CFTR: variants seen among roughly 807,000 people sequenced by gnomAD.
The protein encoded by CFTR is cystic fibrosis transmembrane conductance regulator.
Under a neutral mutation model 171.6 loss-of-function variants are expected in CFTR, and 181 were observed. The observed-to-expected ratio is 1.05, with a 90% CI of 0.93 to 1.19. The LOEUF is 1.19. CFTR is among the 50% of genes most tolerant of loss of function. The pLI, the probability that CFTR is intolerant of heterozygous loss-of-function variation, is 0.00. For missense variants in CFTR, 1,968 were observed against 1,734.7 expected (o/e 1.13, Z -2.39); for synonymous variants, 583 against 608.0 (o/e 0.96, Z 0.60).
chr7:117,481,066 G>C lies in CFTR; in HGVS notation c.53+919G>C, dbSNP rs546265450. On this transcript the variant is annotated intron_variant, in intron 1 of 26. Transcript: ENST00000003084. ...ATAAGCATACTGAGGTATCAAAAAA[G>C]TCAAATATGTTATAAATAGCTCATA... Among the ~76,000 whole-genome samples, 11 of 152,286 alleles carry C rather than the reference G, an allele frequency of 7.2e-5. No individual in the cohort carries two copies. In the South Asian group the frequency reaches 1.2e-3, roughly 17 times the overall value.
intron 16 of CFTR, 44 bp downstream of exon 16, chr7:117,602,907 G>A (rs765548878): frequency 1.3e-6 from 2 of 1,496,020 alleles, no homozygotes; most frequent in Non-Finnish European, 1.9e-6. Context: ...TTTTATTTCT[G>A]TTGATTAAAT....
intron 24 of CFTR, among the ~76,000 whole-genome samples, chr7:117,661,721 T>C (rs1793289405): frequency 6.6e-6 from 1 of 152,204 alleles, no homozygotes; most frequent in Non-Finnish European, 1.5e-5. Flanking sequence ...ATACTAATAA[T>C]TACTGTACAT....
At position 117,586,804 on chromosome 7, in the gene CFTR, C is replaced by CCTATCTAACTCTTCG. The variant is rs1311292076; in HGVS notation, c.1585-933_1585-919dup. ...TTTTTTTTAAGGCGAGAGTTTACTA[C>CCTATCTAACTCTTCG]CTATCTAACTCTTCGCATTCTTGAA... On this transcript the variant is annotated intron_variant, in intron 11 of 26. Transcript: ENST00000003084. 7.2e-5 allele frequency among the ~76,000 whole-genome samples: 11 copies of CCTATCTAACTCTTCG among 151,762 alleles called. No individual in the cohort carries two copies. The East Asian group carries it at 1.9e-3, about 27-fold the overall frequency.
At chr7:117,600,092 T>A (rs1191522903) in intron 15 of CFTR, among the ~76,000 whole-genome samples, 1 of 152,032 alleles carries the variant, frequency 6.6e-6, no homozygotes, top group East Asian at 1.9e-4. Context: ...CAATATGAAA[T>A]ATGTAGTCTT....
At chr7:117,662,006 A>C (rs910520046) in intron 24 of CFTR, among the ~76,000 whole-genome samples, 15 of 127,996 alleles carry the variant, frequency 1.2e-4, no homozygotes, top group Admixed American at 3.8e-4. Flanking sequence ...AAAAAAAAAA[A>C]CCCTCAAATA....
At chr7:117,522,844 A>C (rs761123057) in intron 3 of CFTR, among the ~76,000 whole-genome samples, 2 of 152,186 alleles carry the variant, frequency 1.3e-5, no homozygotes, top group African/African-American at 2.4e-5. Flanking sequence ...AATAAAAAAA[A>C]AATCAGGTGA....
At chr7:117,639,502 T>C (rs1364939314) in intron 22 of CFTR, among the ~76,000 whole-genome samples, 2 of 152,184 alleles carry the variant, frequency 1.3e-5, no homozygotes, top group Non-Finnish European at 2.9e-5. Context: ...ATTCCTCATA[T>C]GGTATATTGT....
chr7:117,521,552 G>T (rs1425741139), intron 3 of CFTR, among the ~76,000 whole-genome samples: 1 of 152,016 alleles, frequency 6.6e-6, no homozygotes, highest in Admixed American at 6.6e-5. Context: ...ATAATCATAG[G>T]TTCTTCTGTA....
intron 10 of CFTR, among the ~76,000 whole-genome samples, chr7:117,549,818 A>T (rs1799238219): frequency 6.6e-6 from 1 of 152,086 alleles, no homozygotes; most frequent in South Asian, 2.1e-4. Flanking sequence ...GAAAGAAGGA[A>T]ATGAGGAAGA....
intron 5 of CFTR, 65 bp from the exon 6 acceptor site, chr7:117,535,183 G>A (rs1472911073): frequency 6.5e-7 from 1 of 1,541,110 alleles, no homozygotes; most frequent in East Asian, 2.2e-5. Flanking sequence ...TTTCATATAT[G>A]ATTGTTAGTT....
chr7:117,556,951 T>A (rs548159561), intron 10 of CFTR, among the ~76,000 whole-genome samples: 14 of 152,292 alleles, frequency 9.2e-5, no homozygotes, highest in Non-Finnish European at 2.1e-4. Context: ...ACTGTTCTGT[T>A]GTATTGTAAC....
At chr7:117,602,707 T>C (rs1288720187) in intron 15 of CFTR, 119 bp from the exon 16 acceptor site, 1 of 864,264 alleles carries the variant, frequency 1.2e-6, no homozygotes, top group Non-Finnish European at 2.0e-6. Flanking sequence ...AAGATGAAAT[T>C]GTGTGTACCT....
chr7:117,573,061 T>TCTCTCTCTTG (rs1562902538), intron 11 of CFTR, among the ~76,000 whole-genome samples: 1 of 151,822 alleles, frequency 6.6e-6, no homozygotes, highest in African/African-American at 2.4e-5. Flanking sequence ...TCTCTCTTGC[T>TCTCTCTCTTG]CTCTCTCTCT....
At chr7:117,480,253 A>G (rs1434488015) in intron 1 of CFTR, 106 bp downstream of exon 1, 6 of 948,424 alleles carry the variant, frequency 6.3e-6, no homozygotes, top group Non-Finnish European at 6.9e-6. Flanking sequence ...TTTTAAAAAG[A>G]TGCGCTATCA....
chr7:117,563,683 A>G (rs1033462442), intron 11 of CFTR, among the ~76,000 whole-genome samples: 1 of 152,206 alleles, frequency 6.6e-6, no homozygotes, highest in Admixed American at 6.5e-5. Flanking sequence ...TTTTGCTAAC[A>G]AAGTACTAGT....
Position 117,535,208 on chromosome 7 carries a change from A to G in CFTR, c.580-40A>G, listed in dbSNP as rs747997054. The G allele has an allele frequency of 2.7e-5, 44 of 1,608,860 alleles. No homozygotes were observed. The Admixed American group carries it at 7.3e-4, about 27-fold the overall frequency. ...GATTGTTAGTTTCTAGGGGTGGAAG[A>G]TACAATGACACCTGTTTTTGCTGTG... On this transcript the variant is annotated intron_variant, in intron 5 of 26. Coordinates refer to ENST00000003084, the MANE Select transcript of CFTR (RefSeq NM_000492.4).
chr7:117,537,039 G>A (rs1562891177), intron 7 of CFTR, among the ~76,000 whole-genome samples: 1 of 152,106 alleles, frequency 6.6e-6, no homozygotes, highest in South Asian at 2.1e-4. Flanking sequence ...GAACCAAATA[G>A]ATGATTCTCT....
chr7:117,570,390 G>T (rs1226620381), intron 11 of CFTR, among the ~76,000 whole-genome samples: 1 of 152,144 alleles, frequency 6.6e-6, no homozygotes, highest in Non-Finnish European at 1.5e-5. Flanking sequence ...AAAGGGCCTG[G>T]AAGGAAAGGA....
chr7:117,518,253 A>T (rs887863742), intron 3 of CFTR, among the ~76,000 whole-genome samples: 1 of 148,912 alleles, frequency 6.7e-6, no homozygotes, highest in Non-Finnish European at 1.5e-5. Flanking sequence ...AAACCTATAT[A>T]TATATGTCAC....
Sources: allele counts gnomAD v4.1 joint callset (sites outside exome capture counted in the v4.1 genomes callset), GRCh38; gene constraint gnomAD v4.1.1; transcripts MANE v1.5; gene names NCBI Gene and HGNC (gene_info 2026-07-23, HGNC 2026-07-21).